Variants in PGAP2 observed in about 807,000 individuals in gnomAD.
PGAP2 encodes the protein acyltransferase PGAP2.
Under a neutral mutation model 33.2 loss-of-function variants are expected in PGAP2, and 21 were observed. The observed-to-expected ratio is 0.63, with a 90% CI of 0.45 to 0.91. The LOEUF (loss-of-function observed/expected upper bound fraction) is 0.91, where lower values mean the gene tolerates loss of function less well. Among genes scored for constraint, PGAP2 ranks in the 40% least tolerant of loss-of-function variants. The pLI, the probability that PGAP2 is intolerant of heterozygous loss-of-function variation, is 0.00. For synonymous variants in PGAP2, 161 were observed against 172.9 expected, an observed-to-expected ratio of 0.93 and a Z score of 0.54; for missense variants, 345 against 424.0, an observed-to-expected ratio of 0.81 and a Z score of 1.64.
Position 3,825,538 on chromosome 11 carries a change from C to T in PGAP2, c.*80C>T, listed in dbSNP as rs536392225. On this transcript the variant is annotated 3_prime_UTR_variant, in exon 7 of 7. Transcript: ENST00000278243. ...GATACCATTCTGGCCTTCCCCACCC[C>T]ACATCCTCTCTTGGCCTTACTGAAG... 2.2e-4 allele frequency: 311 copies of T among 1,432,718 alleles called. No homozygotes were observed. The African/African-American group carries it at 3.9e-3, about 18-fold the overall frequency. The allele number at this position is 1,432,718 out of a possible 1,614,324, so 88.8% of individuals were successfully genotyped here.
chr11:3,822,968 A>G (rs1590394637), intron 3 of PGAP2: 1 of 1,532,922 alleles, frequency 6.5e-7, no homozygotes, highest in Non-Finnish European at 8.8e-7. Context: ...GCACAAGAAC[A>G]TGGTCATTTC....
At chr11:3,803,236 G>T (rs866123806) in intron 1 of PGAP2, among the ~76,000 whole-genome samples, 18 of 150,760 alleles carry the variant, frequency 1.2e-4, no homozygotes, top group African/African-American at 4.1e-4. Flanking sequence ...CAGATGATCC[G>T]CCCACCTCGG....
intron 3 of PGAP2, chr11:3,822,780 C>A: frequency 3.7e-6 from 2 of 538,110 alleles, no homozygotes; most frequent in Non-Finnish European, 6.6e-6. Flanking sequence ...TCTAAGAGAG[C>A]CTCTTCCCAT....
At chr11:3,808,438 A>T, upstream of PGAP2, 1 of 1,526,068 alleles carries the variant, frequency 6.6e-7, no homozygotes, top group Non-Finnish European at 8.8e-7. Flanking sequence ...GTTTGAGGAC[A>T]CGCCAGATTG....
At chr11:3,802,844 TG>T (rs2083655749) in intron 1 of PGAP2, among the ~76,000 whole-genome samples, 1 of 109,684 alleles carries the variant, frequency 9.1e-6, no homozygotes, top group African/African-American at 3.1e-5. Context: ...TTTTTTTTTT[TG>T]AGATGGAGAC....
rs549459482 is a variant in PGAP2 at position 3,799,627 on chromosome 11, GT to G, written c.139+1649del. 3.3e-5 allele frequency among the ~76,000 whole-genome samples: 5 copies of G among 152,284 alleles called. No individual in the cohort carries two copies. In the East Asian group the frequency reaches 9.6e-4, roughly 29 times the overall value. Reference sequence around the variant, plus strand: ...TGTAAATGAGTTTAAAGCCATCTGGGTTTTCGGTGATGGCAAGGGATTAGAG... The same window carrying G: ...TGTAAATGAGTTTAAAGCCATCTGGGTTTCGGTGATGGCAAGGGATTAGAG... On this transcript the variant is annotated intron_variant, in intron 1 of 6. Coordinates refer to the PGAP2 transcript ENST00000300730.
chr11:3,798,643 T>G (rs2082960421), intron 1 of PGAP2, among the ~76,000 whole-genome samples: 1 of 142,906 alleles, frequency 7.0e-6, no homozygotes, highest in South Asian at 2.2e-4. Flanking sequence ...TAATTTTTTT[T>G]TTTTTTTTTG....
upstream of PGAP2, chr11:3,807,971 G>C: frequency 1.8e-6 from 2 of 1,099,490 alleles, no homozygotes; most frequent in Admixed American, 7.9e-5. Context: ...CAAGGCTGGT[G>C]GCTGGAAATC....
chr11:3,808,452 A>G, upstream of PGAP2: 1 of 1,503,636 alleles, frequency 6.7e-7, no homozygotes, highest in Non-Finnish European at 8.9e-7. Context: ...CAGATTGAGG[A>G]GGAGAGCCAG....
upstream of PGAP2, chr11:3,808,025 G>A (rs930956474): frequency 2.5e-5 from 35 of 1,376,028 alleles, no homozygotes; most frequent in Middle Eastern, 1.9e-3. Flanking sequence ...CTGAACAAAG[G>A]CGGGAACAGC....
chr11:3,823,036 T>TC (rs898258829), intron 3 of PGAP2: 21 of 442,872 alleles, frequency 4.7e-5, no homozygotes, highest in Admixed American at 3.8e-4. Flanking sequence ...TTTTTTTTTT[T>TC]TTTTTTTTTT....
rs78747200 is a variant in PGAP2, at chr11:3,803,012, G to A, written c.139+5030G>A. ...CGGCTAATTTTTTTTTTTTCTTTTG[G>A]AGACAGAGTCTCACTCTGTCACCCA... On this transcript the variant is annotated intron_variant, in intron 1 of 6. Coordinates refer to the PGAP2 transcript ENST00000300730. 4.1e-3 allele frequency among the ~76,000 whole-genome samples: 594 copies of A among 144,796 alleles called. 16 individuals carry two copies. Among genetic ancestry groups the A allele is most frequent in the South Asian group, 0.013 (59 of 4,562 alleles). The allele number at this position is 144,796 out of a possible 152,430, so 95.0% of individuals were successfully genotyped here. A position where few individuals can be genotyped will look rare whatever the true frequency, so the allele number is the denominator to read the frequency against.
rs562831529 is a variant in PGAP2, at chr11:3,825,154, C to T, written c.817+26C>T. ...GTGAGGCCAGGATAGGATCCACAGG[C>T]GGTCATGAGTGGCTGCGGGGCAGCA... On this transcript the variant is annotated intron_variant, in intron 6 of 6. Transcript: ENST00000278243. 1.8e-5 allele frequency: 29 copies of T among 1,608,382 alleles called. No homozygotes were observed. The South Asian group carries it at 1.9e-4, about 10-fold the overall frequency.
chr11:3,822,830 A>AT (rs2089124358), intron 3 of PGAP2: 1 of 757,520 alleles, frequency 1.3e-6, no homozygotes, highest in Non-Finnish European at 2.2e-6. Flanking sequence ...TTGTTCAGTC[A>AT]TCCCCCATCC....
chr11:3,825,568 G>C lies in PGAP2; in HGVS notation c.*110G>C, dbSNP rs1163756089. On this transcript the variant is annotated 3_prime_UTR_variant, in exon 7 of 7. Transcript: ENST00000278243. ...CCTCTCTTGGCCTTACTGAAGATGG[G>C]GGAAGGGTAAGAAGGAAGGGTGTAG... 1 of 1,214,868 alleles carries C rather than the reference G, an allele frequency of 8.2e-7. No individual in the cohort carries two copies. 75.3% of individuals were successfully genotyped at this position (1,214,868 alleles called of 1,614,324 possible).
intron 2 of PGAP2, among the ~76,000 whole-genome samples, chr11:3,815,339 C>T (rs113886908): frequency 0.13 from 19,152 of 147,350 alleles, 1,374 homozygotes; most frequent in Middle Eastern, 0.2. Flanking sequence ...GATGGAATCT[C>T]GCTTTGTCAC....
Position 3,810,337 on chromosome 11 carries a change from G to A in PGAP2, c.-10-913G>A, listed in dbSNP as rs116406501. ...CCAGAGTTGCAGTGTGTAACTCTTC[G>A]TGGGTCCCACATGTATCTCTTTGTT... On this transcript the variant is annotated intron_variant, in intron 1 of 6. Transcript: ENST00000278243. Among the ~76,000 whole-genome samples, 895 of 152,328 alleles carry A rather than the reference G, an allele frequency of 5.9e-3. 5 individuals are homozygous for A. The highest frequency in any genetic ancestry group is 0.02 in the African/African-American group (845 of 41,564).
intron 5 of PGAP2, chr11:3,824,794 A>C: frequency 7.0e-7 from 1 of 1,432,170 alleles, no homozygotes; most frequent in Non-Finnish European, 9.1e-7. Context: ...ATCCCCCTGA[A>C]GTGGAAGCGG....
intron 3 of PGAP2, among the ~76,000 whole-genome samples, chr11:3,820,394 T>C (rs2088265314): frequency 6.6e-6 from 1 of 152,210 alleles, no homozygotes; most frequent in Non-Finnish European, 1.5e-5. Context: ...TTAGAATTCA[T>C]ATGGCTTGGC....
Sources: gnomAD v4.1 joint callset for allele counts (sites outside exome capture counted in the v4.1 genomes callset) on GRCh38, gnomAD v4.1.1 for gene constraint, MANE v1.5 for transcripts, NCBI Gene and HGNC (gene_info 2026-07-23, HGNC 2026-07-21) for gene names.